Variants in PTPRG observed in about 807,000 individuals in gnomAD.
PTPRG encodes protein tyrosine phosphatase receptor type G.
A neutral mutation model predicts 165.3 loss-of-function variants in PTPRG; 102 were observed. The observed-to-expected ratio is 0.62, with a 90% CI of 0.53 to 0.73. PTPRG has a LOEUF of 0.73. PTPRG is among the 30% of genes least tolerant of loss of function. PTPRG has a pLI of 0.00. For synonymous variants in PTPRG, 675 were observed against 669.5 expected (o/e 1.01, Z -0.13); for missense variants, 1,866 against 1,861.4 (o/e 1.00, Z -0.05).
intron 2 of PTPRG, among the ~76,000 whole-genome samples, chr3:61,823,228 T>A (rs6780641): frequency 0.065 from 9,823 of 152,274 alleles, 687 homozygotes; most frequent in African/African-American, 0.17. Context: ...TCTTGTTCTG[T>A]CGCCCAGGCT....
chr3:61,991,670 G>C (rs1008243076), intron 3 of PTPRG, among the ~76,000 whole-genome samples: 1 of 152,200 alleles, frequency 6.6e-6, no homozygotes, highest in African/African-American at 2.4e-5. Flanking sequence ...TCTAAATGTA[G>C]TGGGCGAGAG....
chr3:62,039,317 A>T (rs180908995), intron 4 of PTPRG, among the ~76,000 whole-genome samples: 1 of 150,828 alleles, frequency 6.6e-6, no homozygotes, highest in East Asian at 2.0e-4. Context: ...TCTAACACGT[A>T]TATACAACTT....
At chr3:61,621,045 A>ATCTG (rs1414471842) in intron 1 of PTPRG, among the ~76,000 whole-genome samples, 1 of 77,478 alleles carries the variant, frequency 1.3e-5, no homozygotes. Context: ...ATATATATAT[A>ATCTG]TATATATGTG....
chr3:62,005,936 C>T (rs1022249646), intron 4 of PTPRG, among the ~76,000 whole-genome samples: 10 of 152,072 alleles, frequency 6.6e-5, no homozygotes, highest in South Asian at 2.1e-4. Context: ...TTCCTGACTT[C>T]AAATGATCCA....
At chr3:61,862,443 G>A (rs144594993) in intron 2 of PTPRG, among the ~76,000 whole-genome samples, 2,494 of 148,922 alleles carry the variant, frequency 0.017, 34 homozygotes, top group South Asian at 0.026. Context: ...GTGCAATGGC[G>A]TGATCTTGGC....
chr3:62,004,984 G>A (rs1330201499), intron 4 of PTPRG, among the ~76,000 whole-genome samples: 1 of 152,086 alleles, frequency 6.6e-6, no homozygotes, highest in African/African-American at 2.4e-5. Context: ...AACCCTCTAA[G>A]TATCCTGGAA....
intron 1 of PTPRG, chr3:61,742,935 A>G (rs1575625578): frequency 6.9e-7 from 1 of 1,457,406 alleles, no homozygotes; most frequent in Non-Finnish European, 9.6e-7. Context: ...TAGGGCGGGG[A>G]GTGGACTTAA....
intron 1 of PTPRG, among the ~76,000 whole-genome samples, chr3:61,727,345 A>C (rs1189563342): frequency 6.6e-6 from 1 of 151,914 alleles, no homozygotes; most frequent in Non-Finnish European, 1.5e-5. Flanking sequence ...TGGTAGAAAC[A>C]GGGTTTTGGA....
chr3:61,756,835 T>C (rs759083024), intron 2 of PTPRG, among the ~76,000 whole-genome samples: 1 of 152,154 alleles, frequency 6.6e-6, no homozygotes, highest in Non-Finnish European at 1.5e-5. Flanking sequence ...ATTTAAAACA[T>C]GGGTAAATGG....
At chr3:61,831,774 T>C (rs2036302188) in intron 2 of PTPRG, among the ~76,000 whole-genome samples, 1 of 152,220 alleles carries the variant, frequency 6.6e-6, no homozygotes, top group Non-Finnish European at 1.5e-5. Flanking sequence ...GATATTTTTG[T>C]GCCTTTTTCT....
chr3:61,565,676 T>C (rs1207682762), intron 1 of PTPRG, among the ~76,000 whole-genome samples: 3 of 150,802 alleles, frequency 2.0e-5, no homozygotes, highest in Non-Finnish European at 4.4e-5. Flanking sequence ...ATATGTTTTG[T>C]ATTGTAATTA....
At chr3:61,636,733 T>G (rs1306560461) in intron 1 of PTPRG, among the ~76,000 whole-genome samples, 5 of 152,244 alleles carry the variant, frequency 3.3e-5, no homozygotes, top group Non-Finnish European at 5.9e-5. Flanking sequence ...TAGTTTCCAC[T>G]TTTGACTATC....
At chr3:61,618,629 A>T (rs1701366216) in intron 1 of PTPRG, among the ~76,000 whole-genome samples, 2 of 152,204 alleles carry the variant, frequency 1.3e-5, no homozygotes. Context: ...TTTCCTTGAA[A>T]CTAAATGTCA....
intron 14 of PTPRG, among the ~76,000 whole-genome samples, chr3:62,232,775 T>A (rs927413970): frequency 1.3e-5 from 2 of 152,234 alleles, no homozygotes; most frequent in African/African-American, 4.8e-5. Context: ...ACAATCAGTT[T>A]CATCTAGGTC....
intron 4 of PTPRG, among the ~76,000 whole-genome samples, chr3:62,065,350 CA>C (rs1323202381): frequency 5.3e-5 from 8 of 152,056 alleles, no homozygotes; most frequent in African/African-American, 1.7e-4. Flanking sequence ...CGCATGAGAC[CA>C]GGGCTGAAAA....
At chr3:61,809,983 C>T (rs1443872534) in intron 2 of PTPRG, among the ~76,000 whole-genome samples, 1 of 152,182 alleles carries the variant, frequency 6.6e-6, no homozygotes, top group Admixed American at 6.5e-5. Context: ...GGAATTGTGG[C>T]CATGCCCACC....
chr3:61,650,671 A>C (rs1194701343), intron 1 of PTPRG, among the ~76,000 whole-genome samples: 1 of 152,230 alleles, frequency 6.6e-6, no homozygotes, highest in Non-Finnish European at 1.5e-5. Flanking sequence ...TGAAGATTTA[A>C]TCAAATACAC....
chr3:62,066,660 G>A (rs1701022712), intron 4 of PTPRG, among the ~76,000 whole-genome samples: 1 of 152,180 alleles, frequency 6.6e-6, no homozygotes, highest in African/African-American at 2.4e-5. Context: ...AGCCATGCAA[G>A]CAAGGAAACG....
In PTPRG at chr3:61,939,928, CTTTTTTTTTTTTTTTTTTT is replaced by C. The variant is rs561334410; in HGVS notation, c.191-49679_191-49661del. On this transcript the variant is annotated intron_variant, in intron 2 of 29. Coordinates refer to ENST00000474889, the MANE Select transcript of PTPRG (RefSeq NM_002841.4). ...TGTCTTGGCTTCCTTACTGACTTGT[CTTTTTTTTTTTTTTTTTTT>C]TTTTTTTTTTTTTTTTTGAGACAGT... Among the ~76,000 whole-genome samples the C allele has an allele frequency of 1.8e-3, 70 of 39,142 alleles. 1 individual carries two copies. Among genetic ancestry groups the C allele is most frequent in the Admixed American group, 7.3e-3 (16 of 2,196 alleles). The allele number at this position is 39,142 out of a possible 152,430, so 25.7% of individuals were successfully genotyped here.
Sources: gnomAD v4.1 joint callset for allele counts (sites outside exome capture counted in the v4.1 genomes callset) on GRCh38, gnomAD v4.1.1 for gene constraint, MANE v1.5 for transcripts, NCBI Gene and HGNC (gene_info 2026-07-23, HGNC 2026-07-21) for gene names.